CYSTM1: variants seen among roughly 807,000 people sequenced by gnomAD.
CYSTM1 encodes the protein cysteine rich transmembrane module containing 1.
Under a neutral mutation model 13.1 loss-of-function variants are expected in CYSTM1, and 4 were observed. The observed-to-expected ratio is 0.31, with a 90% CI of 0.15 to 0.70. The LOEUF is 0.70. Among genes scored for constraint, CYSTM1 ranks in the 30% least tolerant of loss-of-function variants. The probability of loss-of-function intolerance (pLI) is 0.72; values close to 1 mark genes in which losing one functional copy is unlikely to be tolerated. For missense variants in CYSTM1, 96 were observed against 121.6 expected (o/e 0.79, Z 0.99); for synonymous variants, 36 against 42.7 (o/e 0.84, Z 0.62).
chr5:140,192,613 C>T (rs1764106821), intron 1 of CYSTM1, among the ~76,000 whole-genome samples: 2 of 152,166 alleles, frequency 1.3e-5, no homozygotes, highest in Non-Finnish European at 2.9e-5. Flanking sequence ...ATTTTGTAGG[C>T]CAATCTTTCC....
chr5:140,185,672 G>A (rs1380732487), intron 1 of CYSTM1, among the ~76,000 whole-genome samples: 1 of 152,172 alleles, frequency 6.6e-6, no homozygotes, highest in Non-Finnish European at 1.5e-5. Flanking sequence ...ACTGTTACTG[G>A]GAGCACTGCT....
At chr5:140,242,566 G>A (rs1222897875) in intron 2 of CYSTM1, among the ~76,000 whole-genome samples, 2 of 152,290 alleles carry the variant, frequency 1.3e-5, no homozygotes, top group African/African-American at 4.8e-5. Context: ...AGAAGCTAAT[G>A]CCGCAAATCA....
At chr5:140,228,745 G>A (rs1321812241) in intron 2 of CYSTM1, 11 of 399,082 alleles carry the variant, frequency 2.8e-5, no homozygotes, top group African/African-American at 8.2e-5. Flanking sequence ...GTGATAGAAC[G>A]GGAAAGGAAG....
chr5:140,180,439 C>T (rs764519761), intron 1 of CYSTM1, among the ~76,000 whole-genome samples: 15 of 152,334 alleles, frequency 9.8e-5, no homozygotes, highest in Admixed American at 1.3e-4. Context: ...AAGCTCCTCA[C>T]GCTTGGCCAA....
intron 1 of CYSTM1, among the ~76,000 whole-genome samples, chr5:140,188,747 C>A (rs1764053733): frequency 6.7e-6 from 1 of 150,148 alleles, no homozygotes. Context: ...CCACTGCAGT[C>A]CCACCTGGGT....
chr5:140,214,918 A>T (rs1270067978), intron 2 of CYSTM1, among the ~76,000 whole-genome samples: 1 of 152,206 alleles, frequency 6.6e-6, no homozygotes, highest in African/African-American at 2.4e-5. Flanking sequence ...TTCCCCTAGG[A>T]TATATTCTTC....
At chr5:140,238,689 G>A (rs564300098) in intron 2 of CYSTM1, among the ~76,000 whole-genome samples, 1 of 152,346 alleles carries the variant, frequency 6.6e-6, no homozygotes, top group African/African-American at 2.4e-5. Flanking sequence ...TCTCATGGCT[G>A]TCTTGACGTT....
At chr5:140,241,394 A>G (rs1764746861) in intron 2 of CYSTM1, among the ~76,000 whole-genome samples, 1 of 152,346 alleles carries the variant, frequency 6.6e-6, no homozygotes, top group Non-Finnish European at 1.5e-5. Flanking sequence ...CATGTCCAGA[A>G]AGCCCTCAGC....
intron 2 of CYSTM1, among the ~76,000 whole-genome samples, chr5:140,199,569 C>T (rs1764202465): frequency 6.6e-6 from 1 of 152,234 alleles, no homozygotes; most frequent in African/African-American, 2.4e-5. Flanking sequence ...TGACTTACTG[C>T]AACCTCCACC....
At chr5:140,232,104 G>A (rs968926733) in intron 2 of CYSTM1, among the ~76,000 whole-genome samples, 1 of 152,144 alleles carries the variant, frequency 6.6e-6, no homozygotes, top group Non-Finnish European at 1.5e-5. Flanking sequence ...TAAGAGTCAG[G>A]GATGACTTCT....
At position 140,175,299 on chromosome 5, in the gene CYSTM1, G is replaced by C. The variant is rs574829422; in HGVS notation, c.-21+14G>C. 6.5e-6 allele frequency: 1 copy of C among 152,690 alleles called. No homozygotes were observed. Among genetic ancestry groups the C allele is most frequent in the Admixed American group, 6.5e-5 (1 of 15,312 alleles). The allele number at this position is 152,690 out of a possible 1,614,324, so 9.5% of individuals were successfully genotyped here. A position where few individuals can be genotyped will look rare whatever the true frequency, so the allele number is the denominator to read the frequency against. ...TGGAGAGGAGAGGTGAGGTGCAGCG[G>C]ACCTGGCCCGACCCAGCTGGGACCA... On this transcript the variant is annotated intron_variant, in intron 1 of 2. Transcript: ENST00000261811. The surrounding 1 kb of genome is among the most constrained non-coding windows in gnomAD (Gnocchi z 4.9).
intron 2 of CYSTM1, among the ~76,000 whole-genome samples, chr5:140,238,649 T>C (rs1764712297): frequency 6.6e-6 from 1 of 152,086 alleles, no homozygotes; most frequent in Admixed American, 6.5e-5. Flanking sequence ...GCAAGTTGAG[T>C]CTTCTCTCTC....
rs969519373 is a variant in CYSTM1 at position 140,175,593 on chromosome 5, C to G, written c.-21+308C>G. Among the ~76,000 whole-genome samples, 3 of 152,228 alleles carry G rather than the reference C, an allele frequency of 2.0e-5. No individual in the cohort carries two copies. The highest frequency in any genetic ancestry group is 4.4e-5 in the Non-Finnish European group (3 of 68,036). On this transcript the variant is annotated intron_variant, in intron 1 of 2. Transcript: ENST00000261811. The surrounding 1 kb of genome is among the most constrained non-coding windows in gnomAD (Gnocchi z 4.9). ...CGGTTCTCGTCTCACGAGGAGTCGGCGGGCTCGGAGCGGGGCTCGCCACAC... is the reference window on the plus strand; with the variant it reads ...CGGTTCTCGTCTCACGAGGAGTCGGGGGGCTCGGAGCGGGGCTCGCCACAC...
intron 2 of CYSTM1, among the ~76,000 whole-genome samples, chr5:140,215,591 T>C (rs1410096108): frequency 1.3e-5 from 2 of 151,910 alleles, no homozygotes; most frequent in Admixed American, 1.3e-4. Flanking sequence ...ATATGCATAA[T>C]TTATTTGCAT....
chr5:140,193,450 T>C (rs1440887144), intron 1 of CYSTM1, among the ~76,000 whole-genome samples: 1 of 152,120 alleles, frequency 6.6e-6, no homozygotes, highest in Admixed American at 6.5e-5. Flanking sequence ...GCCCGGCTAA[T>C]TTTTTGTATT....
intron 2 of CYSTM1, among the ~76,000 whole-genome samples, chr5:140,208,581 A>G (rs1764325671): frequency 6.6e-6 from 1 of 152,230 alleles, no homozygotes; most frequent in Non-Finnish European, 1.5e-5. Context: ...CTAAAAGAGT[A>G]TAATTTGATT....
intron 2 of CYSTM1, among the ~76,000 whole-genome samples, chr5:140,240,674 C>T (rs1375778088): frequency 1.3e-5 from 2 of 152,052 alleles, no homozygotes; most frequent in Admixed American, 6.6e-5. Context: ...CAGCTCAGTG[C>T]ACCCTCTGGA....
intron 1 of CYSTM1, among the ~76,000 whole-genome samples, chr5:140,182,266 C>T (rs929818753): frequency 1.3e-5 from 2 of 152,158 alleles, no homozygotes; most frequent in African/African-American, 4.8e-5. Context: ...GTGAGTTTTT[C>T]AGGCAGCAGT....
intron 2 of CYSTM1, among the ~76,000 whole-genome samples, chr5:140,237,345 T>C (rs934259358): frequency 6.6e-6 from 1 of 152,174 alleles, no homozygotes; most frequent in African/African-American, 2.4e-5. Context: ...ACATTTCAGG[T>C]CACATGCAGC....
Sources: allele counts gnomAD v4.1 joint callset (sites outside exome capture counted in the v4.1 genomes callset), GRCh38; gene constraint gnomAD v4.1.1; non-coding constraint Gnocchi (gnomAD v3.1); transcripts MANE v1.5; gene names NCBI Gene and HGNC (gene_info 2026-07-23, HGNC 2026-07-21).